Variants in FAR2 observed in about 807,000 individuals in gnomAD.
FAR2 encodes the protein epididymis secretory protein Li 81.
Under a neutral mutation model 56.0 loss-of-function variants are expected in FAR2, and 19 were observed. The observed-to-expected ratio is 0.34, with a 90% confidence interval of 0.24 to 0.50. The LOEUF (loss-of-function observed/expected upper bound fraction) is 0.50. Ranked by LOEUF, FAR2 falls within the 20% of genes least tolerant of loss-of-function variation. The probability of loss-of-function intolerance (pLI) is 0.98; values close to 1 mark genes in which losing one functional copy is unlikely to be tolerated. For missense variants in FAR2, 508 were observed against 642.2 expected (o/e 0.79, Z 2.26); for synonymous variants, 219 against 218.8 (o/e 1.00, Z -0.01).
At chr12:29,158,693 G>A (rs1949752767) in intron 1 of FAR2, among the ~76,000 whole-genome samples, 1 of 152,238 alleles carries the variant, frequency 6.6e-6, no homozygotes, top group Admixed American at 6.5e-5. Context: ...CATACTATAT[G>A]TTGGCACATA....
At chr12:29,318,323 TTAAA>T (rs1949490505) in intron 9 of FAR2, among the ~76,000 whole-genome samples, 1 of 152,100 alleles carries the variant, frequency 6.6e-6, no homozygotes. Flanking sequence ...ATGGGGCTTA[TTAAA>T]TAAAGACAGG....
intron 1 of FAR2, among the ~76,000 whole-genome samples, chr12:29,224,261 G>A (rs1375978725): frequency 2.0e-5 from 3 of 152,160 alleles, no homozygotes; most frequent in Non-Finnish European, 4.4e-5. Flanking sequence ...GAGGGGGTTG[G>A]AAGGATGGAT....
At chr12:29,282,292 A>G (rs7312068) in intron 2 of FAR2, 17,858 of 152,194 alleles carry the variant, frequency 0.12, 1,222 homozygotes, top group African/African-American at 0.19. Context: ...AGCCAACTCT[A>G]CTTCTAAAAC....
At chr12:29,205,654 A>G (rs1462334310) in intron 1 of FAR2, among the ~76,000 whole-genome samples, 3 of 152,218 alleles carry the variant, frequency 2.0e-5, no homozygotes, top group African/African-American at 7.2e-5. Context: ...ATGAAATAAT[A>G]GTACTACCCA....
chr12:29,214,682 G>T (rs1186997988), intron 1 of FAR2, among the ~76,000 whole-genome samples: 1 of 151,912 alleles, frequency 6.6e-6, no homozygotes, highest in East Asian at 1.9e-4. Context: ...TTAGCTAGGC[G>T]TGGGGGTGGG....
At chr12:29,156,500 C>T (rs1949728557) in intron 1 of FAR2, 1 of 152,056 alleles carries the variant, frequency 6.6e-6, no homozygotes, top group Non-Finnish European at 1.5e-5. Context: ...AGGATAGGCA[C>T]TCAGATAAAT....
At chr12:29,208,039 T>C (rs7975191) in intron 1 of FAR2, among the ~76,000 whole-genome samples, 118,515 of 152,144 alleles carry the variant, frequency 0.78, 47,055 homozygotes, top group East Asian at 0.91. Flanking sequence ...CCCATCCCTA[T>C]GAAATATGTT....
At chr12:29,276,079 T>G (rs737160) in intron 2 of FAR2, among the ~76,000 whole-genome samples, 1 of 151,974 alleles carries the variant, frequency 6.6e-6, no homozygotes, top group Non-Finnish European at 1.5e-5. Context: ...ATACGACCAA[T>G]TGTGAGTTGT....
intron 10 of FAR2, among the ~76,000 whole-genome samples, chr12:29,323,507 G>A (rs753576611): frequency 7.2e-5 from 11 of 152,160 alleles, no homozygotes; most frequent in Admixed American, 3.3e-4. Context: ...CAGTAGGGGC[G>A]GACTGACACA....
chr12:29,205,111 A>G (rs1425977635), intron 1 of FAR2, among the ~76,000 whole-genome samples: 1 of 152,186 alleles, frequency 6.6e-6, no homozygotes, highest in Non-Finnish European at 1.5e-5. Flanking sequence ...TGTTGCTTTC[A>G]TGGAGAAATT....
At chr12:29,261,393 A>AGAT (rs1268593373) in intron 1 of FAR2, among the ~76,000 whole-genome samples, 2 of 152,198 alleles carry the variant, frequency 1.3e-5, no homozygotes, top group African/African-American at 4.8e-5. Flanking sequence ...AGAAGACAAA[A>AGAT]GATAAAAGAA....
rs184848046 is a variant in FAR2, at chr12:29,205,786, A to T, written c.-39+56379A>T. Among the ~76,000 whole-genome samples the T allele has an allele frequency of 1.4e-3, 220 of 152,266 alleles. 1 individual carries two copies. In the South Asian group the frequency reaches 0.021, roughly 15 times the overall value. On this transcript the variant is annotated intron_variant, in intron 1 of 11. Transcript: ENST00000536681. ...ACTATGTCACACAGCTGAATGTTAA[A>T]GGAGGCTGCAGATGTTTAATATTAA...
Position 29,179,420 on chromosome 12 carries a change from A to G in FAR2, c.-39+30013A>G, listed in dbSNP as rs890894202. ...ATTCATAGCCACTTGCTGTGTACTTACCCTATGCCAGGTTCTTTACATACA... is the reference window on the plus strand; with the variant it reads ...ATTCATAGCCACTTGCTGTGTACTTGCCCTATGCCAGGTTCTTTACATACA... On this transcript the variant is annotated intron_variant, in intron 1 of 11. Transcript: ENST00000536681. 1.1e-4 allele frequency among the ~76,000 whole-genome samples: 16 copies of G among 152,186 alleles called. 1 individual carries two copies. The highest frequency in any genetic ancestry group is 9.8e-4 in the Admixed American group (15 of 15,272).
intron 10 of FAR2, among the ~76,000 whole-genome samples, chr12:29,329,751 C>T (rs760760198): frequency 2.0e-5 from 3 of 152,092 alleles, no homozygotes; most frequent in Non-Finnish European, 4.4e-5. Flanking sequence ...TACTCCAAAT[C>T]TCACAAAGGT....
At chr12:29,217,141 C>A (rs1312344061) in intron 1 of FAR2, among the ~76,000 whole-genome samples, 1 of 152,162 alleles carries the variant, frequency 6.6e-6, no homozygotes, top group Non-Finnish European at 1.5e-5. Context: ...AGTTATCATA[C>A]ACTTTTTAAA....
rs138143693 is a variant in FAR2, at chr12:29,195,766, A to G, written c.-39+46359A>G. 5.1e-3 allele frequency among the ~76,000 whole-genome samples: 776 copies of G among 152,262 alleles called. 14 individuals carry two copies. The highest frequency in any genetic ancestry group is 0.017 in the African/African-American group (727 of 41,562). On this transcript the variant is annotated intron_variant, in intron 1 of 11. Coordinates refer to ENST00000536681, the MANE Select transcript of FAR2 (RefSeq NM_001271783.2). ...CTCCTTTCAAGTATTACATGGATATATTGCATAGCAGTGAGGTCTGGGCTT... is the reference window on the plus strand; with the variant it reads ...CTCCTTTCAAGTATTACATGGATATGTTGCATAGCAGTGAGGTCTGGGCTT...
At chr12:29,222,251 TC>T (rs1003294663) in intron 1 of FAR2, among the ~76,000 whole-genome samples, 11 of 152,340 alleles carry the variant, frequency 7.2e-5, no homozygotes, top group African/African-American at 2.6e-4. Flanking sequence ...TTTGAACTTG[TC>T]CCCATTGCCT....
chr12:29,192,430 C>T (rs1950110473), intron 1 of FAR2, among the ~76,000 whole-genome samples: 1 of 152,172 alleles, frequency 6.6e-6, no homozygotes. Context: ...TAAGCACCTC[C>T]TGTGTCCTGG....
At chr12:29,245,342 T>C (rs1333822297) in intron 1 of FAR2, among the ~76,000 whole-genome samples, 2 of 152,166 alleles carry the variant, frequency 1.3e-5, no homozygotes, top group Non-Finnish European at 2.9e-5. Flanking sequence ...AATGAGGAAA[T>C]AGCAACTGGT....
Sources: gnomAD v4.1 joint callset for allele counts (sites outside exome capture counted in the v4.1 genomes callset) on GRCh38, gnomAD v4.1.1 for gene constraint, MANE v1.5 for transcripts, NCBI Gene and HGNC (gene_info 2026-07-23, HGNC 2026-07-21) for gene names.